The following STK3 variants were observed in gnomAD, a reference collection of about 807,000 sequenced individuals.
STK3 encodes serine/threonine-protein kinase 3.
Under a neutral mutation model 58.0 loss-of-function variants are expected in STK3, and 41 were observed. That is an observed-to-expected ratio of 0.71 (90% CI 0.55 to 0.92). STK3 has a LOEUF of 0.92. STK3 is among the 40% of genes least tolerant of loss of function. The pLI, the probability that STK3 is intolerant of heterozygous loss-of-function variation, is 0.00. For synonymous variants in STK3, 170 were observed against 191.0 expected (o/e 0.89, Z 0.91); for missense variants, 479 against 602.7 (o/e 0.79, Z 2.15).
chr8:98,425,349 ACAC>A (rs1247481855), intron 3 of STK3, among the ~76,000 whole-genome samples: 5 of 152,008 alleles, frequency 3.3e-5, no homozygotes, highest in African/African-American at 4.8e-5. Flanking sequence ...ACACACACAC[ACAC>A]AAACACACTG....
chr8:98,575,394 T>C (rs1296818032), intron 8 of STK3, among the ~76,000 whole-genome samples: 2 of 151,502 alleles, frequency 1.3e-5, no homozygotes, highest in African/African-American at 4.9e-5. Context: ...TTAACCATTT[T>C]AAAGTATACA....
At position 98,706,617 on chromosome 8, in the gene STK3, G is replaced by A. The variant is rs1401007081; in HGVS notation, c.534C>T (p.Arg178=). 6.2e-7 allele frequency: 1 copy of A among 1,600,942 alleles called. No individual in the cohort carries two copies. The change falls in exon 6 of 11, where the codon CGC becomes CGT. Residue 178 remains arginine, a synonymous_variant. Transcript: ENST00000419617. Reference sequence around the variant, plus strand: ...AAAATGGAGTTCCTATTACAGTATTGCGTTTTGCCATTGTATCCTGCAATA... The same window carrying A: ...AAAATGGAGTTCCTATTACAGTATTACGTTTTGCCATTGTATCCTGCAATA... ...AGQLTDTMAK[R]NTVIGTPFWM...
intron 9 of STK3, among the ~76,000 whole-genome samples, chr8:98,531,342 T>G (rs1440118472): frequency 1.3e-5 from 2 of 152,320 alleles, no homozygotes; most frequent in African/African-American, 4.8e-5. Context: ...CCTTGCATAT[T>G]TCCATCAGAC....
intron 1 of STK3, among the ~76,000 whole-genome samples, chr8:98,805,193 A>G (rs973196589): frequency 3.9e-5 from 6 of 152,232 alleles, no homozygotes; most frequent in African/African-American, 1.4e-4. Flanking sequence ...AGACCTTCTC[A>G]GTCATCTCAT....
At chr8:98,586,510 T>A (rs1391556575) in intron 7 of STK3, among the ~76,000 whole-genome samples, 2 of 150,056 alleles carry the variant, frequency 1.3e-5, no homozygotes, top group Non-Finnish European at 3.0e-5. Flanking sequence ...AGTATTTTAT[T>A]GAGGATTTTT....
At chr8:98,670,148 T>C (rs1410715973) in intron 6 of STK3, among the ~76,000 whole-genome samples, 1 of 152,118 alleles carries the variant, frequency 6.6e-6, no homozygotes. Context: ...GCAAGTGGAT[T>C]GCTTGAGTCC....
intron 6 of STK3, chr8:98,606,183 G>C (rs1192799097): frequency 6.6e-6 from 1 of 152,146 alleles, no homozygotes; most frequent in Admixed American, 6.5e-5. Context: ...GCAGTATCAG[G>C]CTAGTATGAT....
intron 1 of STK3, among the ~76,000 whole-genome samples, chr8:98,884,362 A>T (rs745443726): frequency 7.2e-5 from 11 of 152,178 alleles, no homozygotes; most frequent in Admixed American, 2.0e-4. Context: ...TTTTTTAAAT[A>T]AAAAATCCCC....
chr8:98,544,649 AACACACAC>A (rs59159370), intron 9 of STK3, among the ~76,000 whole-genome samples: 5,264 of 137,558 alleles, frequency 0.038, 169 homozygotes, highest in African/African-American at 0.074. Flanking sequence ...ATTCTACTAT[AACACACAC>A]ACACACACAC....
At chr8:98,372,935 T>C (rs2130991324) in intron 2 of STK3, among the ~76,000 whole-genome samples, 1 of 152,344 alleles carries the variant, frequency 6.6e-6, no homozygotes, top group South Asian at 2.1e-4. Context: ...ATAATGTGCA[T>C]GAAGTAACTG....
chr8:98,395,933 T>C (rs938062052), intron 3 of STK3, among the ~76,000 whole-genome samples: 2 of 152,254 alleles, frequency 1.3e-5, no homozygotes, highest in African/African-American at 2.4e-5. Flanking sequence ...TTAATCTTAG[T>C]GGTGAATGGT....
intron 3 of STK3, among the ~76,000 whole-genome samples, chr8:98,407,384 C>T (rs186045345): frequency 1.3e-3 from 195 of 152,242 alleles, no homozygotes; most frequent in Non-Finnish European, 2.0e-3. Flanking sequence ...CACCAACCTG[C>T]GAGCAAAGGG....
At chr8:98,408,084 G>T (rs1273475703) in intron 3 of STK3, among the ~76,000 whole-genome samples, 1 of 152,140 alleles carries the variant, frequency 6.6e-6, no homozygotes, top group Non-Finnish European at 1.5e-5. Flanking sequence ...CAGCTCCCCT[G>T]AGCTTCCACA....
At position 98,680,670 on chromosome 8, in the gene STK3, G is replaced by A. The variant is rs544251933; in HGVS notation, c.684+25797C>T. Among the ~76,000 whole-genome samples the A allele has an allele frequency of 2.0e-5, 3 of 152,276 alleles. No homozygotes were observed. In the South Asian group the frequency reaches 6.2e-4, roughly 32 times the overall value. The stretch of plus-strand genomic sequence containing the variant: ...AAAGTAGAATGTAGCAACGATAAAG[G>A]CTGAAAGTAAAGCACAATTTTTTCT... On this transcript the variant is annotated intron_variant, in intron 6 of 10. Transcript: ENST00000419617.
intron 3 of STK3, among the ~76,000 whole-genome samples, chr8:98,848,782 G>T (rs1476352833): frequency 9.9e-5 from 15 of 152,078 alleles, no homozygotes; most frequent in Admixed American, 9.8e-4. Flanking sequence ...CTTACTCTTG[G>T]CTATTATGAT....
At chr8:98,634,261 C>T (rs368140919) in intron 6 of STK3, among the ~76,000 whole-genome samples, 4 of 152,044 alleles carry the variant, frequency 2.6e-5, no homozygotes, top group Non-Finnish European at 4.4e-5. Flanking sequence ...CCAAGGCAGG[C>T]GGATCACTTG....
chr8:98,368,013 G>C (rs146904216), downstream of STK3, among the ~76,000 whole-genome samples: 1,803 of 152,328 alleles, frequency 0.012, 13 homozygotes, highest in Non-Finnish European at 0.018. Flanking sequence ...CATCTGCGCT[G>C]TGTCATTGAC....
At chr8:98,927,985 G>T (rs1400812920) in intron 1 of STK3, among the ~76,000 whole-genome samples, 1 of 152,198 alleles carries the variant, frequency 6.6e-6, no homozygotes, top group African/African-American at 2.4e-5. Context: ...GCTTAAACTA[G>T]CTAGAGTTGG....
intron 1 of STK3, among the ~76,000 whole-genome samples, chr8:98,809,133 C>T (rs1834064273): frequency 1.3e-5 from 2 of 152,208 alleles, no homozygotes; most frequent in Admixed American, 6.5e-5. Context: ...CCAGACCTCA[C>T]CCTATGTGCC....
Sources: gnomAD v4.1 joint callset for allele counts (sites outside exome capture counted in the v4.1 genomes callset) on GRCh38, gnomAD v4.1.1 for gene constraint, MANE v1.5 for transcripts, NCBI Gene and HGNC (gene_info 2026-07-23, HGNC 2026-07-21) for gene names.